The following TRPV3 variants were observed in gnomAD, a reference collection of about 807,000 sequenced individuals.
The protein encoded by TRPV3 is transient receptor potential cation channel subfamily V member 3.
A neutral mutation model predicts 87.1 loss-of-function variants in TRPV3; 88 were observed. The observed-to-expected ratio is 1.01, with a 90% CI of 0.85 to 1.21. The LOEUF is 1.21. Ranked by LOEUF, TRPV3 falls within the 50% of genes most tolerant of loss-of-function variation. The pLI is 0.00. For missense variants in TRPV3, 1,054 were observed against 1,030.1 expected (o/e 1.02, Z -0.32); for synonymous variants, 438 against 423.3 (o/e 1.03, Z -0.43).
intron 2 of TRPV3, among the ~76,000 whole-genome samples, chr17:3,549,906 T>C (rs1185457319): frequency 1.4e-5 from 2 of 146,642 alleles, no homozygotes; most frequent in Admixed American, 1.4e-4. Flanking sequence ...ATGGGATGGG[T>C]AGATGAGTGG....
intron 7 of TRPV3, 106 bp from the exon 8 acceptor site, chr17:3,533,043 C>G: frequency 3.0e-6 from 4 of 1,313,390 alleles, no homozygotes; most frequent in Non-Finnish European, 4.2e-6. Context: ...ATGGGCACCT[C>G]AGGTTCCCTA....
intron 2 of TRPV3, among the ~76,000 whole-genome samples, chr17:3,548,542 G>C (rs979724893): frequency 6.6e-6 from 1 of 152,208 alleles, no homozygotes; most frequent in Admixed American, 6.5e-5. Context: ...GAGAGACCCC[G>C]GGCTTTCCCA....
At chr17:3,551,551 T>C (rs543660019) in intron 2 of TRPV3, among the ~76,000 whole-genome samples, 1 of 152,366 alleles carries the variant, frequency 6.6e-6, no homozygotes, top group South Asian at 2.1e-4. Flanking sequence ...GAACTGTCCC[T>C]GAACAGCCCA....
intron 14 of TRPV3, 139 bp downstream of exon 14, chr17:3,520,834 T>C: frequency 2.1e-6 from 1 of 470,670 alleles, no homozygotes; most frequent in Non-Finnish European, 3.9e-6. Flanking sequence ...AAGGTAATGC[T>C]TGGAAAATGC....
At chr17:3,549,941 TGATG>T (rs2074558628) in intron 2 of TRPV3, among the ~76,000 whole-genome samples, 1 of 146,926 alleles carries the variant, frequency 6.8e-6, no homozygotes, top group South Asian at 2.2e-4. Flanking sequence ...GATGGACAGA[TGATG>T]TATGGATGGA....
Position 3,545,214 on chromosome 17 carries a change from G to A in TRPV3, c.177C>T (p.Thr59=), listed in dbSNP as rs1400587367. The A allele has an allele frequency of 2.5e-6, 4 of 1,613,966 alleles. No individual in the cohort carries two copies. In the South Asian group the frequency reaches 4.4e-5, roughly 18 times the overall value. The change falls in exon 3 of 18, where the codon ACC becomes ACT. Residue 59 remains threonine, a synonymous_variant. Coordinates refer to ENST00000576742, the MANE Select transcript of TRPV3 (RefSeq NM_145068.4). ...GFEPNPTVAK[T]SPPVFSKPMD... The stretch of plus-strand genomic sequence containing the variant: ...TGGGCTTGGAGAAGACAGGAGGAGA[G>A]GTCTTGGCAACTGTGGGGTTGGGTT...
At chr17:3,540,773 C>T (rs2074451610) in intron 6 of TRPV3, among the ~76,000 whole-genome samples, 2 of 152,206 alleles carry the variant, frequency 1.3e-5, no homozygotes, top group Non-Finnish European at 2.9e-5. Flanking sequence ...CTGAACCTCC[C>T]TGTCTGCAGG....
At chr17:3,519,355 G>GATGT (rs1555543620) in intron 14 of TRPV3, among the ~76,000 whole-genome samples, 1 of 147,726 alleles carries the variant, frequency 6.8e-6, no homozygotes, top group Non-Finnish European at 1.5e-5. Flanking sequence ...TGGATGGATG[G>GATGT]ATATGGAGGG....
chr17:3,546,778 G>A, intron 2 of TRPV3: 1 of 348,408 alleles, frequency 2.9e-6, no homozygotes, highest in Non-Finnish European at 5.9e-6. Context: ...AGGAGTTTGA[G>A]GCCAATGCGG....
In TRPV3 at chr17:3,518,905, C is replaced by G; in HGVS notation, c.1811-55G>C. 27 of 1,559,036 alleles carry G rather than the reference C, an allele frequency of 1.7e-5. No individual in the cohort carries two copies. The highest frequency in any genetic ancestry group is 2.3e-5 in the Non-Finnish European group (27 of 1,151,940). ...AGCTCTCTGCCTGGTAATTACTCTACAAGCTTGCGTGTATTTGCCTACATG... is the reference window on the plus strand; with the variant it reads ...AGCTCTCTGCCTGGTAATTACTCTAGAAGCTTGCGTGTATTTGCCTACATG... On this transcript the variant is annotated intron_variant, in intron 14 of 17. Transcript: ENST00000576742. The surrounding 1 kb of genome is among the most constrained non-coding windows in gnomAD (Gnocchi z 4.3).
intron 5 of TRPV3, among the ~76,000 whole-genome samples, chr17:3,543,147 G>C (rs1353488496): frequency 2.0e-5 from 3 of 151,678 alleles, no homozygotes; most frequent in African/African-American, 7.3e-5. Context: ...CACTCCCCAG[G>C]TCCTCAAATC....
chr17:3,545,155 G>T lies in TRPV3; in HGVS notation c.224+12C>A, dbSNP rs199640571. ...GCCCAGGGCAAGGGGTTGGGCTGGG[G>T]CCCGTACTCACCACTGCCGGATGTT... is the stretch of plus-strand genomic sequence containing the variant. On this transcript the variant is annotated intron_variant, in intron 3 of 17. Coordinates refer to ENST00000576742, the MANE Select transcript of TRPV3 (RefSeq NM_145068.4). The T allele has an allele frequency of 1.9e-6, 3 of 1,605,180 alleles. No homozygotes were observed. The highest frequency in any genetic ancestry group is 2.6e-6 in the Non-Finnish European group (3 of 1,172,278).
At chr17:3,515,415 C>T (rs1035604413) in intron 16 of TRPV3, among the ~76,000 whole-genome samples, 3 of 152,084 alleles carry the variant, frequency 2.0e-5, no homozygotes, top group African/African-American at 7.2e-5. Context: ...AATCCCAGCA[C>T]TTTGGGAGGC....
chr17:3,523,547 T>C (rs1190670907), intron 13 of TRPV3, among the ~76,000 whole-genome samples: 1 of 152,064 alleles, frequency 6.6e-6, no homozygotes, highest in Non-Finnish European at 1.5e-5. Context: ...GCTGAAACCC[T>C]GTCTCTACTA....
At chr17:3,531,186 G>T (rs1175217777) in intron 8 of TRPV3, among the ~76,000 whole-genome samples, 2 of 152,214 alleles carry the variant, frequency 1.3e-5, no homozygotes. Flanking sequence ...GCTCCAAAGT[G>T]CAGGCTGGAC....
chr17:3,518,531 G>C lies in TRPV3; in HGVS notation c.2085+45C>G. 6.6e-7 allele frequency: 1 copy of C among 1,520,462 alleles called. No homozygotes were observed. Among genetic ancestry groups the C allele is most frequent in the Non-Finnish European group, 8.8e-7 (1 of 1,132,314 alleles). The allele number at this position is 1,520,462 out of a possible 1,614,324, so 94.2% of individuals were successfully genotyped here. Reference sequence around the variant, plus strand: ...GTAGTCAATGACCACGTGCTGAACTGAGTCCCGTGGAGGCCCCCACGCTGG... The same window carrying C: ...GTAGTCAATGACCACGTGCTGAACTCAGTCCCGTGGAGGCCCCCACGCTGG... On this transcript the variant is annotated intron_variant, in intron 15 of 17. Coordinates refer to ENST00000576742, the MANE Select transcript of TRPV3 (RefSeq NM_145068.4). The surrounding 1 kb of genome is among the most constrained non-coding windows in gnomAD (Gnocchi z 4.3).
intron 11 of TRPV3, chr17:3,527,720 T>G (rs1597475030): frequency 2.4e-6 from 1 of 416,388 alleles, no homozygotes. Context: ...AGTGGCTGGG[T>G]CCATGAAAGA....
intron 13 of TRPV3, among the ~76,000 whole-genome samples, chr17:3,521,299 C>T (rs551534455): frequency 3.9e-5 from 6 of 152,314 alleles, no homozygotes; most frequent in African/African-American, 1.4e-4. Flanking sequence ...ACCATAGGGT[C>T]TCACACTGGA....
rs559295072 is a variant in TRPV3, at chr17:3,556,494, C to A, written c.-3+1182G>T. Among the ~76,000 whole-genome samples the A allele has an allele frequency of 1.6e-4, 24 of 152,078 alleles. No homozygotes were observed. The highest frequency in any genetic ancestry group is 4.1e-4 in the South Asian group (2 of 4,820). On this transcript the variant is annotated intron_variant, in intron 1 of 17. Transcript: ENST00000576742. The surrounding 1 kb of genome is among the most constrained non-coding windows in gnomAD (Gnocchi z 4.2). ...AATCATCCTCAGGGGACTCACCTGG[C>A]GACACATAGGTGGGGGCAGGAAGAC...
Sources: gnomAD v4.1 joint callset for allele counts (sites outside exome capture counted in the v4.1 genomes callset) on GRCh38, gnomAD v4.1.1 for gene constraint, Gnocchi (gnomAD v3.1) non-coding constraint, MANE v1.5 for transcripts, NCBI Gene and HGNC (gene_info 2026-07-23, HGNC 2026-07-21) for gene names.